The following TTC28 variants were observed in gnomAD, a reference collection of about 807,000 sequenced individuals.
TTC28 encodes the protein tetratricopeptide repeat protein 28.
A neutral mutation model predicts 198.0 loss-of-function variants in TTC28; 61 were observed. The ratio of observed to expected loss-of-function variants is 0.31; its 90% CI spans 0.25 to 0.38. The LOEUF is 0.38. Ranked by LOEUF, TTC28 falls within the 10% of genes least tolerant of loss-of-function variation. The pLI is 1.00. For synonymous variants in TTC28, 1,171 were observed against 1,297.8 expected (o/e 0.90, Z 2.10); for missense variants, 2,678 against 3,164.0 (o/e 0.85, Z 3.69).
intron 5 of TTC28, among the ~76,000 whole-genome samples, chr22:28,244,924 C>T (rs1348258492): frequency 6.6e-6 from 1 of 152,174 alleles, no homozygotes; most frequent in Non-Finnish European, 1.5e-5. Flanking sequence ...CCACATACAC[C>T]TAGAAGGAGG....
chr22:28,357,089 C>T (rs1306889752), intron 2 of TTC28, among the ~76,000 whole-genome samples: 4 of 152,044 alleles, frequency 2.6e-5, no homozygotes, highest in Non-Finnish European at 4.4e-5. Flanking sequence ...AATAGGTATC[C>T]TCATTTTACA....
chr22:28,494,980 A>C (rs549677958), intron 2 of TTC28, among the ~76,000 whole-genome samples: 1 of 152,262 alleles, frequency 6.6e-6, no homozygotes, highest in East Asian at 1.9e-4. Context: ...AAGGAATAAA[A>C]AAAACTAACC....
At chr22:28,128,797 C>G (rs1403675848) in intron 6 of TTC28, among the ~76,000 whole-genome samples, 1 of 152,138 alleles carries the variant, frequency 6.6e-6, no homozygotes, top group Non-Finnish European at 1.5e-5. Flanking sequence ...ATCTCAGCCT[C>G]CCAAAGTACT....
At chr22:28,317,309 G>T (rs1046709422) in intron 2 of TTC28, among the ~76,000 whole-genome samples, 1 of 152,056 alleles carries the variant, frequency 6.6e-6, no homozygotes, top group Admixed American at 6.6e-5. Context: ...GTCTTTCATA[G>T]GCCAAGTAAC....
chr22:28,088,927 T>C (rs1236494613), intron 12 of TTC28, among the ~76,000 whole-genome samples: 7 of 152,216 alleles, frequency 4.6e-5, no homozygotes, highest in Middle Eastern at 3.2e-3. Context: ...TCACCATCAC[T>C]GGCCATCAGA....
At chr22:28,580,003 TACAC>T (rs751009561) in intron 2 of TTC28, among the ~76,000 whole-genome samples, 1 of 151,156 alleles carries the variant, frequency 6.6e-6, no homozygotes, top group Non-Finnish European at 1.5e-5. Context: ...CACACACACA[TACAC>T]ACACACATAC....
At chr22:28,500,316 G>C (rs2048518581) in intron 2 of TTC28, among the ~76,000 whole-genome samples, 1 of 152,044 alleles carries the variant, frequency 6.6e-6, no homozygotes, top group Non-Finnish European at 1.5e-5. Context: ...CTTTCACCTA[G>C]AACGCTGTTT....
chr22:28,017,256 G>T (rs1048147864), intron 13 of TTC28, among the ~76,000 whole-genome samples: 6 of 152,120 alleles, frequency 3.9e-5, no homozygotes, highest in African/African-American at 1.4e-4. Context: ...TCTTTTTATT[G>T]AAAATGCCAT....
At chr22:28,552,581 T>TA (rs901323826) in intron 2 of TTC28, among the ~76,000 whole-genome samples, 1 of 152,140 alleles carries the variant, frequency 6.6e-6, no homozygotes, top group Non-Finnish European at 1.5e-5. Context: ...CCCAAATACT[T>TA]ACAGCTAACT....
intron 5 of TTC28, among the ~76,000 whole-genome samples, chr22:28,190,877 T>A (rs1309313277): frequency 6.6e-6 from 1 of 152,184 alleles, no homozygotes; most frequent in Non-Finnish European, 1.5e-5. Context: ...GGGCCTCTTT[T>A]TCTCTCACCT....
At chr22:28,150,564 A>T (rs1289522384) in intron 6 of TTC28, among the ~76,000 whole-genome samples, 1 of 152,244 alleles carries the variant, frequency 6.6e-6, no homozygotes, top group East Asian at 1.9e-4. Flanking sequence ...AGCAGAGCCA[A>T]ATGATTCCAG....
intron 2 of TTC28, among the ~76,000 whole-genome samples, chr22:28,407,150 G>A (rs376676861): frequency 8.5e-5 from 13 of 152,214 alleles, no homozygotes; most frequent in African/African-American, 2.9e-4. Context: ...TAAAAAAAGC[G>A]GGGACACAAT....
intron 5 of TTC28, among the ~76,000 whole-genome samples, chr22:28,239,008 G>T (rs1331730719): frequency 6.6e-6 from 1 of 152,074 alleles, no homozygotes; most frequent in African/African-American, 2.4e-5. Context: ...AGTATTCTAG[G>T]TAGAAACAGA....
rs567447012 is a variant in TTC28 at position 28,127,911 on chromosome 22, T to G, written c.1442-19508A>C. On this transcript the variant is annotated intron_variant, in intron 6 of 22. Transcript: ENST00000397906. ...CCTGGCTAATTTTTTTTTTTTTTTT[T>G]GGGGGTGGGATTTCATTATATTGCC... is the stretch of plus-strand genomic sequence containing the variant. Among the ~76,000 whole-genome samples the G allele has an allele frequency of 9.3e-3, 1,398 of 149,604 alleles. 16 individuals carry two copies. Among genetic ancestry groups the G allele is most frequent in the South Asian group, 0.026 (120 of 4,690 alleles).
At chr22:28,069,925 A>AACACACACACAC (rs60436240) in intron 12 of TTC28, among the ~76,000 whole-genome samples, 79 of 142,144 alleles carry the variant, frequency 5.6e-4, no homozygotes, top group Middle Eastern at 7.1e-3. Flanking sequence ...AGGTTGTACA[A>AACACACACACAC]ACACACACAC....
At chr22:28,064,652 C>T (rs1205612136) in intron 12 of TTC28, among the ~76,000 whole-genome samples, 4 of 151,928 alleles carry the variant, frequency 2.6e-5, no homozygotes, top group Non-Finnish European at 5.9e-5. Flanking sequence ...CAATTATACC[C>T]CTCCCCCAAA....
At chr22:28,493,221 T>C (rs1280853001) in intron 2 of TTC28, among the ~76,000 whole-genome samples, 1 of 151,908 alleles carries the variant, frequency 6.6e-6, no homozygotes, top group Non-Finnish European at 1.5e-5. Flanking sequence ...CTGGGCATGG[T>C]GGTGGGTGCC....
At chr22:28,255,676 C>T (rs1180071231) in intron 5 of TTC28, among the ~76,000 whole-genome samples, 6 of 145,432 alleles carry the variant, frequency 4.1e-5, no homozygotes, top group African/African-American at 7.6e-5. Context: ...AGCAAAACTC[C>T]GTCTCAAAAA....
At chr22:28,264,068 T>C (rs1016510861) in intron 5 of TTC28, among the ~76,000 whole-genome samples, 7 of 152,244 alleles carry the variant, frequency 4.6e-5, no homozygotes, top group Non-Finnish European at 1.0e-4. Context: ...CCATGTGATA[T>C]GGTTTGGCTG....
Sources: allele counts gnomAD v4.1 joint callset (sites outside exome capture counted in the v4.1 genomes callset), GRCh38; gene constraint gnomAD v4.1.1; transcripts MANE v1.5; gene names NCBI Gene and HGNC (gene_info 2026-07-23, HGNC 2026-07-21).